Variants in PTPRO observed in about 807,000 individuals in gnomAD.
The protein encoded by PTPRO is protein tyrosine phosphatase receptor type O.
In PTPRO, 62 loss-of-function variants were observed where a neutral mutation model predicts 145.2. That is an observed-to-expected ratio of 0.43 (90% CI 0.35 to 0.53). The LOEUF is 0.53. PTPRO is among the 20% of genes least tolerant of loss of function. The pLI is 0.01. For missense variants in PTPRO, 1,345 were observed against 1,482.7 expected (o/e 0.91, Z 1.53); for synonymous variants, 565 against 514.7 (o/e 1.10, Z -1.32).
chr12:15,513,425 A>G (rs184655476), intron 7 of PTPRO, among the ~76,000 whole-genome samples: 10 of 152,328 alleles, frequency 6.6e-5, no homozygotes, highest in Non-Finnish European at 1.3e-4. Context: ...AATATGAAAG[A>G]AAGAATGAAA....
chr12:15,508,416 G>A (rs1209184449), intron 6 of PTPRO, among the ~76,000 whole-genome samples, 155 bp from the exon 7 acceptor site: 2 of 152,158 alleles, frequency 1.3e-5, no homozygotes, highest in Admixed American at 1.3e-4. Context: ...GGTTGCAGCT[G>A]GGCAGAGGAC....
chr12:15,331,455 G>T (rs1034744272), intron 1 of PTPRO, among the ~76,000 whole-genome samples: 1 of 152,162 alleles, frequency 6.6e-6, no homozygotes, highest in Non-Finnish European at 1.5e-5. Context: ...CTGGCAGTAG[G>T]ATGCTGGGAA....
chr12:15,565,078 G>A (rs999450815), intron 17 of PTPRO, among the ~76,000 whole-genome samples: 3 of 152,084 alleles, frequency 2.0e-5, no homozygotes, highest in Non-Finnish European at 4.4e-5. Flanking sequence ...TAAAAACAAC[G>A]CCATAGTAGA....
At chr12:15,583,626 A>G (rs1040934073) in intron 23 of PTPRO, among the ~76,000 whole-genome samples, 8 of 152,228 alleles carry the variant, frequency 5.3e-5, no homozygotes, top group African/African-American at 1.9e-4. Flanking sequence ...CGAATTGTCT[A>G]TGACTGCTTT....
At chr12:15,451,461 CAA>C (rs1941044758) in intron 1 of PTPRO, among the ~76,000 whole-genome samples, 1 of 152,076 alleles carries the variant, frequency 6.6e-6, no homozygotes, top group Non-Finnish European at 1.5e-5. Flanking sequence ...AACAAAGAAA[CAA>C]TGGATTTAAA....
At chr12:15,523,636 A>G (rs968407803) in intron 10 of PTPRO, among the ~76,000 whole-genome samples, 1 of 152,088 alleles carries the variant, frequency 6.6e-6, no homozygotes, top group Non-Finnish European at 1.5e-5. Flanking sequence ...TTAGCTGGAT[A>G]TGAAGGCCTG....
chr12:15,587,190 A>G, intron 24 of PTPRO, 139 bp downstream of exon 24: 1 of 902,860 alleles, frequency 1.1e-6, no homozygotes, highest in Non-Finnish European at 1.7e-6. Context: ...TGATTAATTG[A>G]TGTCTCACTA....
At chr12:15,329,432 T>C (rs1323418327) in intron 1 of PTPRO, among the ~76,000 whole-genome samples, 1 of 152,244 alleles carries the variant, frequency 6.6e-6, no homozygotes, top group African/African-American at 2.4e-5. Flanking sequence ...TGATAAACTC[T>C]AGTATTCCTG....
chr12:15,328,387 G>C (rs950385146), intron 1 of PTPRO, among the ~76,000 whole-genome samples: 2 of 152,114 alleles, frequency 1.3e-5, no homozygotes, highest in Non-Finnish European at 2.9e-5. Flanking sequence ...AGACATTCTA[G>C]TTACTTAAAG....
chr12:15,481,983 T>A (rs1941787354), intron 1 of PTPRO, among the ~76,000 whole-genome samples: 1 of 152,108 alleles, frequency 6.6e-6, no homozygotes, highest in Non-Finnish European at 1.5e-5. Flanking sequence ...AACTACCATA[T>A]GATCCAGCAA....
Position 15,501,619 on chromosome 12 carries a change from G to T in PTPRO, c.662-1G>T. 1 of 1,611,232 alleles carries T rather than the reference G, an allele frequency of 6.2e-7. No homozygotes were observed. The highest frequency in any genetic ancestry group is 8.5e-7 in the Non-Finnish European group (1 of 1,177,638). On this transcript the variant is annotated splice_acceptor_variant, in intron 4 of 26. Transcript: ENST00000281171. LOFTEE classifies it high-confidence loss of function. ...GAAAATGAAAATTCTCTCTCTTACA[G>T]CCCCTTATCCACCTCAAAATATTTC...
chr12:15,417,870 C>A (rs547525380), intron 1 of PTPRO, among the ~76,000 whole-genome samples: 2 of 151,834 alleles, frequency 1.3e-5, no homozygotes, highest in East Asian at 3.9e-4. Flanking sequence ...CCTTTGTCAT[C>A]TGAGTCTTTA....
chr12:15,495,871 G>A (rs1183769850), intron 2 of PTPRO, among the ~76,000 whole-genome samples: 1 of 152,114 alleles, frequency 6.6e-6, no homozygotes, highest in Non-Finnish European at 1.5e-5. Context: ...GTTATTTATA[G>A]GTTTTCTGTC....
chr12:15,403,156 T>C (rs1467197786), intron 1 of PTPRO, among the ~76,000 whole-genome samples: 1 of 152,142 alleles, frequency 6.6e-6, no homozygotes, highest in Non-Finnish European at 1.5e-5. Context: ...AATGGCGTGG[T>C]CTCTTCCTAT....
intron 12 of PTPRO, among the ~76,000 whole-genome samples, chr12:15,535,874 A>C (rs1003637353): frequency 6.6e-6 from 1 of 152,194 alleles, no homozygotes; most frequent in African/African-American, 2.4e-5. Flanking sequence ...GAAATCTTTA[A>C]AACATAATTT....
intron 7 of PTPRO, among the ~76,000 whole-genome samples, chr12:15,513,350 A>G (rs1448984385): frequency 6.6e-6 from 1 of 152,190 alleles, no homozygotes; most frequent in African/African-American, 2.4e-5. Flanking sequence ...AAATCTGCCT[A>G]TACGGCTTCC....
At chr12:15,404,776 A>T (rs2136304058) in intron 1 of PTPRO, among the ~76,000 whole-genome samples, 1 of 152,372 alleles carries the variant, frequency 6.6e-6, no homozygotes, top group African/African-American at 2.4e-5. Flanking sequence ...ATACAGTTGG[A>T]GAAGCACCTT....
chr12:15,485,033 T>TA, intron 2 of PTPRO, among the ~76,000 whole-genome samples: 1 of 152,282 alleles, frequency 6.6e-6, no homozygotes, highest in East Asian at 1.9e-4. Flanking sequence ...TTGCTTGTGT[T>TA]CTTTAGTGTA....
intron 2 of PTPRO, among the ~76,000 whole-genome samples, chr12:15,493,450 G>C (rs565387889): frequency 6.6e-5 from 10 of 152,152 alleles, no homozygotes; most frequent in Admixed American, 6.5e-4. Context: ...CAAAGATTGT[G>C]TTACAAATTA....
Sources: gnomAD v4.1 joint callset for allele counts (sites outside exome capture counted in the v4.1 genomes callset) on GRCh38, gnomAD v4.1.1 for gene constraint, MANE v1.5 for transcripts, NCBI Gene and HGNC (gene_info 2026-07-23, HGNC 2026-07-21) for gene names.